Variants in ERBB4 observed in about 807,000 individuals in gnomAD.
ERBB4 encodes receptor tyrosine-protein kinase erbB-4.
Under a neutral mutation model 158.0 loss-of-function variants are expected in ERBB4, and 42 were observed. The observed-to-expected ratio is 0.27, with a 90% CI of 0.21 to 0.34. The LOEUF is 0.34. ERBB4 is among the 10% of genes least tolerant of loss of function. ERBB4 has a pLI of 1.00. For synonymous variants in ERBB4, 583 were observed against 558.7 expected, an observed-to-expected ratio of 1.04 and a Z score of -0.61; for missense variants, 1,333 against 1,624.1, an observed-to-expected ratio of 0.82 and a Z score of 3.08.
intron 1 of ERBB4, among the ~76,000 whole-genome samples, chr2:212,316,772 A>G (rs1303911275): frequency 6.6e-6 from 1 of 151,524 alleles, no homozygotes; most frequent in Non-Finnish European, 1.5e-5. Flanking sequence ...GATGGTTGCA[A>G]AACTATGTGT....
chr2:211,526,627 A>T (rs2066356596), intron 20 of ERBB4, among the ~76,000 whole-genome samples: 1 of 152,188 alleles, frequency 6.6e-6, no homozygotes, highest in Non-Finnish European at 1.5e-5. Context: ...GGAGAAATAA[A>T]GATATCTGAT....
chr2:211,771,290 G>T (rs2075685637), intron 4 of ERBB4, among the ~76,000 whole-genome samples: 1 of 150,494 alleles, frequency 6.6e-6, no homozygotes, highest in South Asian at 2.2e-4. Flanking sequence ...ATCTCTGCTG[G>T]TCACCTTCAT....
intron 16 of ERBB4, among the ~76,000 whole-genome samples, chr2:211,635,340 TG>T (rs1447822579): frequency 6.6e-6 from 1 of 152,216 alleles, no homozygotes; most frequent in African/African-American, 2.4e-5. Flanking sequence ...GCAAATGATT[TG>T]GTTTTCATAA....
intron 20 of ERBB4, among the ~76,000 whole-genome samples, chr2:211,451,598 G>A (rs552311402): frequency 5.3e-5 from 8 of 152,268 alleles, no homozygotes; most frequent in African/African-American, 1.9e-4. Flanking sequence ...CTAGGGAAGT[G>A]GTGGGGAGGG....
intron 19 of ERBB4, among the ~76,000 whole-genome samples, chr2:211,599,049 A>G (rs2068720509): frequency 6.6e-6 from 1 of 152,170 alleles, no homozygotes; most frequent in Admixed American, 6.6e-5. Context: ...TAAACAAGGT[A>G]AGATACAAAA....
At chr2:212,378,294 T>C (rs2090393173) in intron 1 of ERBB4, among the ~76,000 whole-genome samples, 1 of 151,862 alleles carries the variant, frequency 6.6e-6, no homozygotes, top group African/African-American at 2.4e-5. Context: ...CATCTGCATA[T>C]AGAACTTCAA....
chr2:212,008,991 AT>A (rs2076318840), intron 2 of ERBB4, among the ~76,000 whole-genome samples: 1 of 147,992 alleles, frequency 6.8e-6, no homozygotes, highest in Non-Finnish European at 1.5e-5. Flanking sequence ...CTTTTTAAAG[AT>A]TTAGAGTATC....
At chr2:212,260,994 G>T (rs181756859) in intron 1 of ERBB4, among the ~76,000 whole-genome samples, 230 of 152,214 alleles carry the variant, frequency 1.5e-3, no homozygotes, top group Admixed American at 2.6e-3. Context: ...TAATACAAAT[G>T]ACAGTGGACT....
intron 16 of ERBB4, among the ~76,000 whole-genome samples, chr2:211,636,269 T>C (rs920328601): frequency 7.2e-5 from 11 of 152,114 alleles, no homozygotes; most frequent in African/African-American, 2.6e-4. Context: ...TCTTTCAAAT[T>C]CTGTATGACT....
At chr2:212,445,749 G>C (rs1368090631) in intron 1 of ERBB4, among the ~76,000 whole-genome samples, 6 of 152,156 alleles carry the variant, frequency 3.9e-5, no homozygotes, top group Non-Finnish European at 7.4e-5. Flanking sequence ...ATGAAGGTTT[G>C]GGTCACTCCA....
chr2:212,380,636 T>C (rs1407629721), intron 1 of ERBB4, among the ~76,000 whole-genome samples: 2 of 150,934 alleles, frequency 1.3e-5, no homozygotes, highest in African/African-American at 4.8e-5. Flanking sequence ...TTCATTTATA[T>C]TAAATATATT....
Position 211,574,948 on chromosome 2 carries a change from T to C in ERBB4, c.2302-12860A>G, listed in dbSNP as rs565661507. ...TTGTTGAATTATGTCAGCACAATGC[T>C]ATTGATTTACACCTGAACTCACTGA... On this transcript the variant is annotated intron_variant, in intron 19 of 27. Transcript: ENST00000342788. Among the ~76,000 whole-genome samples the C allele has an allele frequency of 3.9e-5, 6 of 152,360 alleles. No individual in the cohort carries two copies. The South Asian group carries it at 1.2e-3, about 32-fold the overall frequency.
intron 2 of ERBB4, among the ~76,000 whole-genome samples, chr2:212,028,731 C>T (rs1448208827): frequency 6.6e-6 from 1 of 152,104 alleles, no homozygotes; most frequent in Non-Finnish European, 1.5e-5. Context: ...GCTCAACATA[C>T]CTGAGTTCTC....
intron 1 of ERBB4, among the ~76,000 whole-genome samples, chr2:212,457,587 T>C (rs1688362861): frequency 6.6e-6 from 1 of 152,096 alleles, no homozygotes; most frequent in Non-Finnish European, 1.5e-5. Flanking sequence ...CCTATCACTC[T>C]ATTGGCATAA....
At chr2:211,504,797 G>A (rs886214761) in intron 20 of ERBB4, among the ~76,000 whole-genome samples, 2 of 152,030 alleles carry the variant, frequency 1.3e-5, no homozygotes, top group African/African-American at 2.4e-5. Flanking sequence ...TTCACTGAAA[G>A]GATTTTAAAA....
In ERBB4 at chr2:211,950,253, G is replaced by C. The variant is rs927350979; in HGVS notation, c.235-2637C>G. Among the ~76,000 whole-genome samples, 7 of 152,150 alleles carry C rather than the reference G, an allele frequency of 4.6e-5. 1 individual carries two copies. On this transcript the variant is annotated intron_variant, in intron 2 of 27. Coordinates refer to ENST00000342788, the MANE Select transcript of ERBB4 (RefSeq NM_005235.3). ...ATGTGCATACATTTAGGAAGGAATA[G>C]GTGGTCCAGGTGTCAATGTCTGATG...
At chr2:211,954,377 T>C (rs2080969586) in intron 2 of ERBB4, among the ~76,000 whole-genome samples, 1 of 152,096 alleles carries the variant, frequency 6.6e-6, no homozygotes, top group Non-Finnish European at 1.5e-5. Flanking sequence ...AATCCATGTT[T>C]ATTACTTATT....
intron 2 of ERBB4, among the ~76,000 whole-genome samples, chr2:211,967,078 G>A (rs748428384): frequency 8.5e-5 from 13 of 152,102 alleles, no homozygotes; most frequent in Admixed American, 3.9e-4. Flanking sequence ...TACACTTAGC[G>A]TACTTAAATG....
intron 20 of ERBB4, among the ~76,000 whole-genome samples, chr2:211,492,760 A>G (rs1418351888): frequency 6.6e-6 from 1 of 152,152 alleles, no homozygotes; most frequent in South Asian, 2.1e-4. Context: ...ATAGCATAGC[A>G]ATAATCAGTA....
Sources: allele counts gnomAD v4.1 joint callset (sites outside exome capture counted in the v4.1 genomes callset), GRCh38; gene constraint gnomAD v4.1.1; transcripts MANE v1.5; gene names NCBI Gene and HGNC (gene_info 2026-07-23, HGNC 2026-07-21).